Variants in TLE6 observed in about 807,000 individuals in gnomAD.
TLE6 encodes the protein transducin-like enhancer protein 6.
TLE6 carries 72 observed loss-of-function variants against 77.1 expected under a neutral mutation model. The ratio of observed to expected loss-of-function variants is 0.93; its 90% CI spans 0.77 to 1.14. TLE6 has a LOEUF of 1.14. Ranked by LOEUF, TLE6 falls within the 50% of genes most tolerant of loss-of-function variation. TLE6 has a pLI of 0.00. For missense variants in TLE6, 843 were observed against 747.6 expected (o/e 1.13, Z -1.49); for synonymous variants, 366 against 287.3 (o/e 1.27, Z -2.77).
chr19:2,989,938 A>G (rs1249938934), intron 13 of TLE6, among the ~76,000 whole-genome samples, 153 bp downstream of exon 13: 1 of 135,184 alleles, frequency 7.4e-6, no homozygotes, highest in Non-Finnish European at 1.5e-5. Flanking sequence ...GCCCCCTTGA[A>G]CTTGGATTTG....
chr19:2,994,860 G>T, intron 16 of TLE6, 40 bp from the exon 17 acceptor site: 1 of 1,265,332 alleles, frequency 7.9e-7, no homozygotes, highest in Non-Finnish European at 1.1e-6. Flanking sequence ...AGGGGTGTGT[G>T]AGCCCTACCC....
In TLE6 at chr19:2,994,887, G is replaced by T. The variant is rs11084986; in HGVS notation, c.1615-13G>T. On this transcript the variant is annotated splice_polypyrimidine_tract_variant and intron_variant, in intron 16 of 16. Transcript: ENST00000246112. ...GCCCTACCCCAGCTCACTGCCCACT[G>T]CCCCCCCTCCAGGTGCCTGAGATGT... is the stretch of plus-strand genomic sequence containing the variant. 0.47 allele frequency: 737,905 copies of T among 1,554,728 alleles called. 179,356 individuals carry two copies. Among genetic ancestry groups the T allele is most frequent in the East Asian group, 0.59 (25,813 of 43,752 alleles).
upstream of TLE6, chr19:2,977,410 C>A (rs1012438468): frequency 3.9e-5 from 6 of 152,316 alleles, no homozygotes; most frequent in Non-Finnish European, 8.8e-5. Flanking sequence ...CCTGCCCCCC[C>A]CGGAGCCCGA....
Position 2,981,585 on chromosome 19 carries a change from T to C in TLE6, c.180+2T>C. 6.4e-7 allele frequency: 1 copy of C among 1,551,556 alleles called. No homozygotes were observed. The highest frequency in any genetic ancestry group is 8.7e-7 in the Non-Finnish European group (1 of 1,146,940). On this transcript the variant is annotated splice_donor_variant, in intron 4 of 16. Coordinates refer to ENST00000246112, the MANE Select transcript of TLE6 (RefSeq NM_001143986.2). LOFTEE classifies it high-confidence loss of function. ...GAGTTGGAGAGCATTTACTACTCGG[T>C]GAGCCAGACCCAGGCAGCCCCAACC...
chr19:2,984,218 C>A (rs1046228497), intron 5 of TLE6: 1 of 152,204 alleles, frequency 6.6e-6, no homozygotes, highest in Non-Finnish European at 1.5e-5. Flanking sequence ...ATTAAAGTGC[C>A]GGTAAATTGC....
chr19:2,992,238 C>T (rs915136120), intron 14 of TLE6, among the ~76,000 whole-genome samples: 5 of 151,896 alleles, frequency 3.3e-5, no homozygotes, highest in African/African-American at 7.3e-5. Flanking sequence ...TTTTGGAGGC[C>T]GAGGAGGGCA....
chr19:2,983,712 G>A (rs756745486), intron 5 of TLE6, among the ~76,000 whole-genome samples: 9 of 152,082 alleles, frequency 5.9e-5, no homozygotes, highest in Non-Finnish European at 1.2e-4. Context: ...GGGAGCCATG[G>A]AGGGCTTCAG....
intron 2 of TLE6, 55 bp from the exon 3 acceptor site, chr19:2,980,045 G>T (rs956678888): frequency 7.0e-7 from 1 of 1,423,430 alleles, no homozygotes. Context: ...GAGACCGGGG[G>T]TCTTGGGTGT....
chr19:2,987,330 C>CCTCCT (rs771906766), intron 7 of TLE6, 26 bp from the exon 8 acceptor site: 2 of 1,614,170 alleles, frequency 1.2e-6, no homozygotes, highest in Non-Finnish European at 1.7e-6. Context: ...CTGTCCCCCT[C>CCTCCT]CTCCTCTCCG....
intron 2 of TLE6, among the ~76,000 whole-genome samples, chr19:2,979,286 G>T (rs1398754232): frequency 1.3e-5 from 2 of 149,304 alleles, no homozygotes; most frequent in South Asian, 2.1e-4. Context: ...TGCTCTTGTT[G>T]CCCAGGCTGG....
intron 5 of TLE6, chr19:2,984,352 C>CG (rs1568211210): frequency 6.6e-6 from 1 of 151,108 alleles, no homozygotes; most frequent in Non-Finnish European, 1.5e-5. Context: ...CCCCCCCCCC[C>CG]GCGGGGCTCC....
chr19:2,994,398 C>T (rs1190164892), intron 16 of TLE6, among the ~76,000 whole-genome samples: 4 of 152,116 alleles, frequency 2.6e-5, no homozygotes, highest in Non-Finnish European at 4.4e-5. Context: ...ATCATGAGGT[C>T]AGGAGATCAA....
chr19:2,989,121 G>T lies in TLE6; in HGVS notation c.801G>T (p.Gln267His). 4 of 1,614,120 alleles carry T rather than the reference G, an allele frequency of 2.5e-6. No homozygotes were observed. The highest frequency in any genetic ancestry group is 3.4e-6 in the Non-Finnish European group (4 of 1,180,044). The change falls in exon 12 of 17, where the codon CAG becomes CAT. Residue 267 changes from glutamine to histidine, a missense_variant. Gln to His is a conservative substitution (Grantham distance 24, BLOSUM62 0). Coordinates refer to ENST00000246112, the MANE Select transcript of TLE6 (RefSeq NM_001143986.2). ...AGAGGCCAGATGCCTTGCCCGGGCA[G>T]TCAAAGAGACTCGCCGTCCCGTGCA... ...AWKRPDALPG[Q>H]SKRLAVPCKL...
In TLE6 at chr19:2,995,055, T is replaced by TG; in HGVS notation, c.*51_*52insG. Reference sequence around the variant, plus strand: ...CCGGCTCCTCTTTTCATCCCCCCCCTTCCCCCCCCCCAACAAGGGGGACAT... The same window carrying TG: ...CCGGCTCCTCTTTTCATCCCCCCCCTGTCCCCCCCCCCAACAAGGGGGACAT... On this transcript the variant is annotated 3_prime_UTR_variant, in exon 17 of 17. Coordinates refer to ENST00000246112, the MANE Select transcript of TLE6 (RefSeq NM_001143986.2). 5.3e-6 allele frequency: 5 copies of TG among 937,036 alleles called. No individual in the cohort carries two copies. The highest frequency in any genetic ancestry group is 7.7e-6 in the Non-Finnish European group (5 of 652,072). 58.0% of individuals were successfully genotyped at this position (937,036 alleles called of 1,614,324 possible). A position where few individuals can be genotyped will look rare whatever the true frequency, so the allele number is the denominator to read the frequency against.
At position 2,987,355 on chromosome 19, in the gene TLE6, G is replaced by A; in HGVS notation, c.542-1G>A. On this transcript the variant is annotated splice_acceptor_variant, in intron 7 of 16. Transcript: ENST00000246112. LOFTEE classifies it high-confidence loss of function. ...CCTCCTCTCCGTTGTCATGGTGACAGAGCAGGCACCAGGCCTGGTGAGTAA... is the reference window on the plus strand; with the variant it reads ...CCTCCTCTCCGTTGTCATGGTGACAAAGCAGGCACCAGGCCTGGTGAGTAA... The A allele has an allele frequency of 1.2e-6, 2 of 1,614,120 alleles. No individual in the cohort carries two copies. The highest frequency in any genetic ancestry group is 1.1e-5 in the South Asian group (1 of 91,072).
rs992083008 is a variant in TLE6 at position 2,989,113 on chromosome 19, C to T, written c.793C>T (p.Pro265Ser). 2.5e-6 allele frequency: 4 copies of T among 1,614,036 alleles called. No homozygotes were observed. The African/African-American group carries it at 4.0e-5, about 16-fold the overall frequency. ...EDAWKRPDAL[P>S]GQSKRLAVPC... ...TGCATGGAAGAGGCCAGATGCCTTG[C>T]CCGGGCAGTCAAAGAGACTCGCCGT... is the stretch of plus-strand genomic sequence containing the variant. The change falls in exon 12 of 17, where the codon CCC becomes TCC. Residue 265 changes from proline to serine, a missense_variant. Physicochemically the swap from Pro to Ser is moderately conservative, Grantham distance 74. Transcript: ENST00000246112.
chr19:2,989,444 A>AG, intron 12 of TLE6, 91 bp from the exon 13 acceptor site: 1 of 1,567,744 alleles, frequency 6.4e-7, no homozygotes, highest in Admixed American at 1.8e-5. Flanking sequence ...AGGAACCTAA[A>AG]GGATGAATAG....
rs938507257 is a variant in TLE6 at position 2,995,120 on chromosome 19, G to C, written c.*116G>C. ...GGAAGGCTCTTCTGTGGCATCGCAC[G>C]ATCTAGTCTGTGGTGTAGACTGGTC... On this transcript the variant is annotated 3_prime_UTR_variant, in exon 17 of 17. Coordinates refer to ENST00000246112, the MANE Select transcript of TLE6 (RefSeq NM_001143986.2). 1.5e-6 allele frequency: 1 copy of C among 668,342 alleles called. No individual in the cohort carries two copies. The highest frequency in any genetic ancestry group is 2.6e-6 in the Non-Finnish European group (1 of 385,426). The allele number at this position is 668,342 out of a possible 1,614,324, so 41.4% of individuals were successfully genotyped here. A position where few individuals can be genotyped will look rare whatever the true frequency, so the allele number is the denominator to read the frequency against.
At chr19:2,977,982 G>A (rs998827753) in intron 1 of TLE6, among the ~76,000 whole-genome samples, 1 of 151,978 alleles carries the variant, frequency 6.6e-6, no homozygotes, top group African/African-American at 2.4e-5. Context: ...GGGAGGCAAG[G>A]CTCAGTTCTT....
Sources: gnomAD v4.1 joint callset for allele counts (sites outside exome capture counted in the v4.1 genomes callset) on GRCh38, gnomAD v4.1.1 for gene constraint, MANE v1.5 for transcripts, NCBI Gene and HGNC (gene_info 2026-07-23, HGNC 2026-07-21) for gene names.